CALN1: variants seen among roughly 807,000 people sequenced by gnomAD.
The protein encoded by CALN1 is calcium-binding protein 8.
CALN1 carries 17 observed loss-of-function variants against 30.6 expected under a neutral mutation model. The ratio of observed to expected loss-of-function variants is 0.56; its 90% CI spans 0.38 to 0.83. The LOEUF is 0.83. Among genes scored for constraint, CALN1 ranks in the 40% least tolerant of loss-of-function variants. CALN1 has a pLI of 0.00. For missense variants in CALN1, 291 were observed against 354.9 expected (o/e 0.82, Z 1.45); for synonymous variants, 156 against 131.4 (o/e 1.19, Z -1.28).
upstream of CALN1, among the ~76,000 whole-genome samples, chr7:72,416,936 G>A (rs1365447413): frequency 6.6e-6 from 1 of 152,098 alleles, no homozygotes; most frequent in African/African-American, 2.4e-5. Flanking sequence ...AGAGAGCTGA[G>A]ACCAAGTCTT....
chr7:71,814,229 T>C (rs999954642), intron 5 of CALN1, among the ~76,000 whole-genome samples: 1 of 152,184 alleles, frequency 6.6e-6, no homozygotes, highest in Non-Finnish European at 1.5e-5. Flanking sequence ...ATGTTTTGCT[T>C]TCCAGAGGGG....
chr7:71,990,887 G>A (rs985607352), intron 5 of CALN1, among the ~76,000 whole-genome samples: 2 of 152,228 alleles, frequency 1.3e-5, no homozygotes, highest in African/African-American at 2.4e-5. Context: ...ATTGGGGCCC[G>A]TTTCTGGTTA....
the CALN1 span, among the ~76,000 whole-genome samples, chr7:72,491,712 A>G: frequency 6.6e-6 from 1 of 152,186 alleles, no homozygotes; most frequent in African/African-American, 2.4e-5. Flanking sequence ...GCCCTGTGCA[A>G]TTAGCTGCAA....
chr7:71,815,314 A>G (rs11970855), intron 5 of CALN1, among the ~76,000 whole-genome samples: 6,087 of 152,164 alleles, frequency 0.04, 383 homozygotes, highest in African/African-American at 0.14. Flanking sequence ...GGAGAGGATG[A>G]TATCTCCTTG....
intron 1 of CALN1, among the ~76,000 whole-genome samples, chr7:72,421,759 T>G (rs1807620323): frequency 6.6e-6 from 1 of 151,890 alleles, no homozygotes; most frequent in African/African-American, 2.4e-5. Context: ...GCTAATTTTT[T>G]TGTAATTTTT....
At chr7:72,100,449 T>G (rs1806570540) in intron 4 of CALN1, among the ~76,000 whole-genome samples, 2 of 152,134 alleles carry the variant, frequency 1.3e-5, no homozygotes, top group African/African-American at 4.8e-5. Context: ...CCCGAAGTGC[T>G]GGGATTACAA....
intron 5 of CALN1, among the ~76,000 whole-genome samples, chr7:71,861,612 G>C (rs373178882): frequency 3.4e-5 from 5 of 148,592 alleles, no homozygotes; most frequent in Non-Finnish European, 6.0e-5. Context: ...CTGTGACTAC[G>C]AAAAAAAAAA....
chr7:71,819,136 T>C (rs1262729097), intron 5 of CALN1, among the ~76,000 whole-genome samples: 1 of 152,102 alleles, frequency 6.6e-6, no homozygotes. Flanking sequence ...ACTACAGACA[T>C]GCACCACCAC....
intron 5 of CALN1, among the ~76,000 whole-genome samples, chr7:71,843,746 A>G (rs959744250): frequency 6.6e-6 from 1 of 152,148 alleles, no homozygotes; most frequent in Non-Finnish European, 1.5e-5. Flanking sequence ...TTATACTTAC[A>G]CCATACTTAT....
chr7:72,022,032 C>T (rs1800737250), intron 5 of CALN1, among the ~76,000 whole-genome samples: 1 of 152,210 alleles, frequency 6.6e-6, no homozygotes, highest in Admixed American at 6.5e-5. Flanking sequence ...CAAACGGTAT[C>T]TTAGTCATGG....
chr7:72,278,514 C>CACACACA (rs71515105), intron 3 of CALN1, among the ~76,000 whole-genome samples, 172 bp downstream of exon 3: 2 of 145,044 alleles, frequency 1.4e-5, no homozygotes, highest in African/African-American at 2.6e-5. Context: ...CACACACACA[C>CACACACA]GTCACTTGGG....
intron 2 of CALN1, among the ~76,000 whole-genome samples, chr7:72,295,533 T>C (rs981195460): frequency 6.7e-6 from 1 of 150,072 alleles, no homozygotes; most frequent in African/African-American, 2.5e-5. Context: ...TCCTCTTTTA[T>C]TTCCTTGAGC....
intron 5 of CALN1, among the ~76,000 whole-genome samples, chr7:71,978,043 A>G (rs970659218): frequency 6.6e-6 from 1 of 151,656 alleles, no homozygotes; most frequent in South Asian, 2.1e-4. Context: ...GCTGCCAAAG[A>G]TATGTGTCCA....
At chr7:71,806,006 T>C (rs1190830928) in intron 6 of CALN1, among the ~76,000 whole-genome samples, 1 of 152,220 alleles carries the variant, frequency 6.6e-6, no homozygotes, top group African/African-American at 2.4e-5. Context: ...AAACACTGCA[T>C]GTTCTCACTC....
intron 2 of CALN1, among the ~76,000 whole-genome samples, chr7:72,381,476 C>T (rs1458686181): frequency 1.3e-5 from 2 of 152,132 alleles, no homozygotes; most frequent in African/African-American, 4.8e-5. Context: ...GAAAATGTGG[C>T]ACATATATAC....
intron 3 of CALN1, among the ~76,000 whole-genome samples, chr7:72,107,210 C>A (rs1166725709): frequency 6.6e-6 from 1 of 152,100 alleles, no homozygotes; most frequent in African/African-American, 2.4e-5. Context: ...CTCTTAACTG[C>A]AGTCCTCAGG....
chr7:72,081,553 GCTGGGA>G (rs1805146267), intron 4 of CALN1, among the ~76,000 whole-genome samples: 1 of 152,048 alleles, frequency 6.6e-6, no homozygotes, highest in Non-Finnish European at 1.5e-5. Context: ...CTCCTGAGTA[GCTGGGA>G]CTACAGGTGT....
At chr7:72,248,985 A>C (rs1795372639) in intron 3 of CALN1, among the ~76,000 whole-genome samples, 1 of 152,248 alleles carries the variant, frequency 6.6e-6, no homozygotes, top group Non-Finnish European at 1.5e-5. Context: ...TTAATCAAGA[A>C]GACAAAAGGA....
chr7:72,412,018 T>C (rs1291030822), intron 1 of CALN1, 40 bp downstream of exon 1: 1 of 152,180 alleles, frequency 6.6e-6, no homozygotes, highest in Non-Finnish European at 1.5e-5. Flanking sequence ...GGGAACTGCA[T>C]GCAGCTGAGC....
Sources: allele counts gnomAD v4.1 joint callset (sites outside exome capture counted in the v4.1 genomes callset), GRCh38; gene constraint gnomAD v4.1.1; transcripts MANE v1.5; gene names NCBI Gene and HGNC (gene_info 2026-07-23, HGNC 2026-07-21).